Variants in PDE1C observed in about 807,000 individuals in gnomAD.
The protein encoded by PDE1C is phosphodiesterase 1C.
In PDE1C, 62 loss-of-function variants were observed where a neutral mutation model predicts 93.1. The observed-to-expected ratio is 0.67, with a 90% confidence interval of 0.54 to 0.82. PDE1C has a LOEUF of 0.82. Ranked by LOEUF, PDE1C falls within the 40% of genes least tolerant of loss-of-function variation. The pLI is 0.00. For missense variants in PDE1C, 742 were observed against 884.6 expected (o/e 0.84, Z 2.04); for synonymous variants, 325 against 310.1 (o/e 1.05, Z -0.50).
chr7:31,837,136 T>C (rs1156663945), intron 11 of PDE1C, 44 bp downstream of exon 11: 3 of 1,584,868 alleles, frequency 1.9e-6, no homozygotes, highest in African/African-American at 1.4e-5. Context: ...ATTCATAAAA[T>C]ATCCAATGAT....
intron 1 of PDE1C, among the ~76,000 whole-genome samples, chr7:32,251,823 T>C (rs1809409990): frequency 6.6e-6 from 1 of 152,222 alleles, no homozygotes; most frequent in Non-Finnish European, 1.5e-5. Context: ...CCAAACTCCT[T>C]ATGATTGCTG....
rs55891226 is a variant in PDE1C, at chr7:32,260,913, G to A, written c.85+37738C>T. 5.9e-3 allele frequency among the ~76,000 whole-genome samples: 902 copies of A among 152,264 alleles called. 4 individuals carry two copies. The highest frequency in any genetic ancestry group is 9.7e-3 in the Non-Finnish European group (661 of 68,020). On this transcript the variant is annotated intron_variant, in intron 1 of 18. Transcript: ENST00000396193. ...AGGTGGGTGGATCACCTGAGGTCAG[G>A]AGTTCAAGACAACATGGTGAAACCT...
Position 31,816,120 on chromosome 7 carries a change from A to T in PDE1C, c.1617T>A (p.Ala539=), listed in dbSNP as rs758331787. ...EKAKKEAEEK[A]RLAAEEQQKE... is the part of the protein sequence containing the mutation. ...TTTGCTGCTCCTCTGCGGCCAGGCGAGCCTTTTCCTCTGCTTCCTTCTTGG... is the reference window on the plus strand; with the variant it reads ...TTTGCTGCTCCTCTGCGGCCAGGCGTGCCTTTTCCTCTGCTTCCTTCTTGG... Residue 539 remains alanine (A), a synonymous_variant, in exon 15 of 18, where the codon GCT becomes GCA. Transcript: ENST00000396191. The T allele has an allele frequency of 5.6e-6, 9 of 1,613,882 alleles. No homozygotes were observed. Among genetic ancestry groups the T allele is most frequent in the Non-Finnish European group, 7.6e-6 (9 of 1,179,922 alleles).
At chr7:31,621,037 C>A in the PDE1C span, among the ~76,000 whole-genome samples, 2 of 151,576 alleles carry the variant, frequency 1.3e-5, no homozygotes, top group African/African-American at 4.8e-5. Flanking sequence ...TGAAATGAAG[C>A]AAGAAGGGAA....
intron 2 of PDE1C, among the ~76,000 whole-genome samples, chr7:32,038,486 G>A (rs764397673): frequency 1.6e-4 from 25 of 152,008 alleles, no homozygotes; most frequent in Non-Finnish European, 2.6e-4. Context: ...TAGCATACAC[G>A]CATTGTCTCA....
chr7:32,027,559 T>G (rs1477079661), intron 2 of PDE1C, among the ~76,000 whole-genome samples: 7 of 133,406 alleles, frequency 5.2e-5, no homozygotes, highest in African/African-American at 2.0e-4. Flanking sequence ...ATGCCACTGC[T>G]TCAATTTTCT....
chr7:31,779,425 G>A (rs900333813), intron 16 of PDE1C, among the ~76,000 whole-genome samples: 4 of 152,286 alleles, frequency 2.6e-5, no homozygotes, highest in African/African-American at 9.6e-5. Flanking sequence ...TCTTCCAAAA[G>A]CCTGCAGCTT....
intron 2 of PDE1C, among the ~76,000 whole-genome samples, chr7:31,977,464 T>A (rs1449824958): frequency 6.6e-6 from 1 of 152,214 alleles, no homozygotes; most frequent in Non-Finnish European, 1.5e-5. Context: ...GGCTTCTTTA[T>A]ATAGCTAGAA....
intron 1 of PDE1C, among the ~76,000 whole-genome samples, chr7:32,263,535 T>A (rs1271545174): frequency 1.3e-5 from 2 of 152,202 alleles, no homozygotes; most frequent in African/African-American, 2.4e-5. Flanking sequence ...CCTCTTATAT[T>A]TACACTGATA....
downstream of PDE1C, among the ~76,000 whole-genome samples, chr7:31,749,353 C>T (rs966530757): frequency 2.6e-5 from 4 of 152,062 alleles, no homozygotes; most frequent in African/African-American, 9.7e-5. Context: ...GGGTTCTTTC[C>T]TTACGTGGAT....
At chr7:31,897,057 C>T (rs1311169578) in intron 2 of PDE1C, among the ~76,000 whole-genome samples, 3 of 152,262 alleles carry the variant, frequency 2.0e-5, no homozygotes, top group African/African-American at 2.4e-5. Flanking sequence ...CACTGATGTG[C>T]GCTTAGACTC....
chr7:32,291,423 C>A (rs1462034616), intron 1 of PDE1C, among the ~76,000 whole-genome samples: 1 of 152,214 alleles, frequency 6.6e-6, no homozygotes, highest in East Asian at 1.9e-4. Flanking sequence ...ATGGAGCTAG[C>A]CCTGCAGGCA....
At chr7:31,877,931 G>C in intron 5 of PDE1C, 39 bp downstream of exon 5, 1 of 1,326,784 alleles carries the variant, frequency 7.5e-7, no homozygotes, top group South Asian at 1.3e-5. Flanking sequence ...CTTTTTATTA[G>C]GTACCATGTA....
intron 2 of PDE1C, among the ~76,000 whole-genome samples, chr7:32,023,629 T>C (rs924971078): frequency 1.5e-5 from 2 of 131,852 alleles, no homozygotes; most frequent in Non-Finnish European, 3.5e-5. Context: ...ATCTACAGTT[T>C]ATGCTGCGTG....
At chr7:32,280,201 C>T (rs1811539318) in intron 1 of PDE1C, among the ~76,000 whole-genome samples, 1 of 152,118 alleles carries the variant, frequency 6.6e-6, no homozygotes, top group African/African-American at 2.4e-5. Flanking sequence ...TGTAGAAAGA[C>T]AGTGGTAAAT....
intron 2 of PDE1C, among the ~76,000 whole-genome samples, chr7:32,184,683 G>T (rs1049588036): frequency 1.3e-5 from 2 of 152,136 alleles, no homozygotes; most frequent in African/African-American, 4.8e-5. Flanking sequence ...AGCATTAGGA[G>T]ATATACCTAA....
rs1279128224 is a variant in PDE1C, at chr7:31,762,974, G to A, written c.1961-9421C>T. On this transcript the variant is annotated intron_variant, in intron 17 of 17. Coordinates refer to ENST00000396191, the MANE Select transcript of PDE1C (RefSeq NM_001191057.4). Reference sequence around the variant, plus strand: ...CCACTGGTGGTTCTCAATCCCGGGTGCACATCAGATTGCTTGGGGAGCTTT... The same window carrying A: ...CCACTGGTGGTTCTCAATCCCGGGTACACATCAGATTGCTTGGGGAGCTTT... 3.3e-5 allele frequency among the ~76,000 whole-genome samples: 5 copies of A among 152,182 alleles called. No homozygotes were observed. In the East Asian group the frequency reaches 9.6e-4, roughly 29 times the overall value.
chr7:32,157,664 T>C (rs901870561), intron 3 of PDE1C, among the ~76,000 whole-genome samples: 1 of 152,188 alleles, frequency 6.6e-6, no homozygotes, highest in African/African-American at 2.4e-5. Flanking sequence ...GCAACTTTAC[T>C]GTAAGGAAAT....
chr7:32,408,462 T>G (rs1160277857), intron 1 of PDE1C, among the ~76,000 whole-genome samples: 2 of 152,216 alleles, frequency 1.3e-5, no homozygotes, highest in Non-Finnish European at 2.9e-5. Flanking sequence ...GGAGCTTATC[T>G]GCATCCTGCT....
Sources: gnomAD v4.1 joint callset for allele counts (sites outside exome capture counted in the v4.1 genomes callset) on GRCh38, gnomAD v4.1.1 for gene constraint, MANE v1.5 for transcripts, NCBI Gene and HGNC (gene_info 2026-07-23, HGNC 2026-07-21) for gene names.